The following KDM4C variants were observed in gnomAD, a reference collection of about 807,000 sequenced individuals.
KDM4C encodes lysine demethylase 4C.
Under a neutral mutation model 129.3 loss-of-function variants are expected in KDM4C, and 81 were observed. The observed-to-expected ratio is 0.63, with a 90% CI of 0.52 to 0.75. KDM4C has a LOEUF of 0.75. Among genes scored for constraint, KDM4C ranks in the 30% least tolerant of loss-of-function variants. The pLI, the probability that KDM4C is intolerant of heterozygous loss-of-function variation, is 0.00. For missense variants in KDM4C, 1,457 were observed against 1,304.0 expected (o/e 1.12, Z -1.81); for synonymous variants, 573 against 456.1 (o/e 1.26, Z -3.26).
At chr9:6,767,051 C>T (rs1282886190) in intron 1 of KDM4C, among the ~76,000 whole-genome samples, 1 of 152,122 alleles carries the variant, frequency 6.6e-6, no homozygotes, top group Non-Finnish European at 1.5e-5. Flanking sequence ...TGGTCACAGG[C>T]ATCCCTTTGA....
chr9:6,732,670 G>A (rs564504903), intron 1 of KDM4C, among the ~76,000 whole-genome samples: 1 of 152,178 alleles, frequency 6.6e-6, no homozygotes, highest in Non-Finnish European at 1.5e-5. Context: ...CCTAAACCGG[G>A]ATTGAACCCA....
intron 1 of KDM4C, among the ~76,000 whole-genome samples, chr9:6,774,773 A>G (rs936257031): frequency 6.6e-6 from 1 of 152,220 alleles, no homozygotes; most frequent in Non-Finnish European, 1.5e-5. Flanking sequence ...GGGGCATGCA[A>G]AAGACATGGT....
At chr9:6,853,749 C>T (rs1839270733) in intron 5 of KDM4C, among the ~76,000 whole-genome samples, 1 of 152,092 alleles carries the variant, frequency 6.6e-6, no homozygotes. Context: ...CTTTGACAGT[C>T]AGTGGTAAAG....
chr9:7,153,717 C>T (rs1223675323), intron 19 of KDM4C, among the ~76,000 whole-genome samples: 1 of 152,180 alleles, frequency 6.6e-6, no homozygotes, highest in African/African-American at 2.4e-5. Context: ...CCAACAGAAA[C>T]TGACATTGAT....
intron 19 of KDM4C, among the ~76,000 whole-genome samples, chr9:7,149,733 A>G (rs1842559436): frequency 6.6e-6 from 1 of 152,218 alleles, no homozygotes; most frequent in African/African-American, 2.4e-5. Context: ...AGTGGTGATT[A>G]TGGTCGATGG....
intron 8 of KDM4C, among the ~76,000 whole-genome samples, chr9:6,921,067 G>A (rs1471220677): frequency 1.3e-5 from 2 of 151,096 alleles, no homozygotes; most frequent in Admixed American, 6.6e-5. Context: ...TCTTGTTTCC[G>A]TCTGCCTTAC....
At chr9:6,844,363 C>T (rs910742562) in intron 4 of KDM4C, among the ~76,000 whole-genome samples, 1 of 152,200 alleles carries the variant, frequency 6.6e-6, no homozygotes, top group Non-Finnish European at 1.5e-5. Context: ...CCCCTTCACA[C>T]ACCCCGGGTT....
At chr9:6,844,280 C>T (rs1837470619) in intron 4 of KDM4C, among the ~76,000 whole-genome samples, 1 of 152,096 alleles carries the variant, frequency 6.6e-6, no homozygotes, top group South Asian at 2.1e-4. Context: ...CTAATTTACA[C>T]TATTTTATTT....
At chr9:6,849,230 C>T (rs565246114) in intron 4 of KDM4C, among the ~76,000 whole-genome samples, 1 of 152,294 alleles carries the variant, frequency 6.6e-6, no homozygotes, top group African/African-American at 2.4e-5. Flanking sequence ...GGGAGTGGGT[C>T]TGTAACTTTC....
intron 19 of KDM4C, among the ~76,000 whole-genome samples, chr9:7,148,711 G>A (rs1166110594): frequency 6.6e-6 from 1 of 152,208 alleles, no homozygotes; most frequent in East Asian, 1.9e-4. Flanking sequence ...ACAGAGAAAG[G>A]CTTTATTGGA....
At chr9:6,749,823 C>G (rs1818010342) in intron 1 of KDM4C, among the ~76,000 whole-genome samples, 1 of 149,846 alleles carries the variant, frequency 6.7e-6, no homozygotes, top group Admixed American at 6.7e-5. Flanking sequence ...CCTGTCTGTA[C>G]TGAAAATACA....
intron 19 of KDM4C, among the ~76,000 whole-genome samples, chr9:7,154,369 T>C (rs139024839): frequency 4.1e-4 from 63 of 152,338 alleles, no homozygotes; most frequent in African/African-American, 1.5e-3. Context: ...GCCGATTAAC[T>C]ACTGGGAACA....
chr9:6,959,041 C>G (rs2131583740), intron 8 of KDM4C, among the ~76,000 whole-genome samples: 2 of 152,276 alleles, frequency 1.3e-5, no homozygotes, highest in East Asian at 3.9e-4. Flanking sequence ...TTTTTAAAGC[C>G]TGGAGCCTAG....
At chr9:6,978,087 A>G (rs374182005) in intron 8 of KDM4C, among the ~76,000 whole-genome samples, 1 of 152,224 alleles carries the variant, frequency 6.6e-6, no homozygotes, top group African/African-American at 2.4e-5. Context: ...TACAAGAACA[A>G]AAAGTTTAAT....
At chr9:6,806,113 T>A (rs1251249133) in intron 3 of KDM4C, among the ~76,000 whole-genome samples, 2 of 152,254 alleles carry the variant, frequency 1.3e-5, no homozygotes, top group Non-Finnish European at 2.9e-5. Flanking sequence ...ATGATTTATA[T>A]GTATTAGAAG....
rs1319455905 is a variant in KDM4C at position 7,137,323 on chromosome 9, A to G, written c.2781+9087A>G. Among the ~76,000 whole-genome samples, 9 of 152,248 alleles carry G rather than the reference A, an allele frequency of 5.9e-5. 1 individual carries two copies. Among genetic ancestry groups the G allele is most frequent in the Non-Finnish European group, 1.3e-4 (9 of 68,042 alleles). On this transcript the variant is annotated intron_variant, in intron 19 of 21. Coordinates refer to ENST00000381309, the MANE Select transcript of KDM4C (RefSeq NM_015061.6). ...TATCTAAATGTTAGGGTAGGGCTGA[A>G]TCAACTTCCATTTAATACAAAATAT...
chr9:7,052,894 A>AGAGC (rs1554718519), intron 17 of KDM4C, among the ~76,000 whole-genome samples: 6,276 of 105,460 alleles, frequency 0.06, 706 homozygotes, highest in East Asian at 0.18. Flanking sequence ...AGAGAGAGAG[A>AGAGC]GAGAGAGCGA....
chr9:7,064,549 A>T (rs1172537440), intron 17 of KDM4C, among the ~76,000 whole-genome samples: 1 of 152,232 alleles, frequency 6.6e-6, no homozygotes, highest in Non-Finnish European at 1.5e-5. Flanking sequence ...GTTATGGAGC[A>T]CGACAGAATA....
At chr9:6,792,435 C>T (rs993313285) in intron 1 of KDM4C, among the ~76,000 whole-genome samples, 1 of 152,100 alleles carries the variant, frequency 6.6e-6, no homozygotes, top group South Asian at 2.1e-4. Context: ...GTCACCCAGG[C>T]TGGAGTGCAG....
Sources: allele counts gnomAD v4.1 joint callset (sites outside exome capture counted in the v4.1 genomes callset), GRCh38; gene constraint gnomAD v4.1.1; transcripts MANE v1.5; gene names NCBI Gene and HGNC (gene_info 2026-07-23, HGNC 2026-07-21).